The following SEMA7A variants were observed in gnomAD, a reference collection of about 807,000 sequenced individuals.
SEMA7A encodes the protein semaphorin 7A (JohnMiltonHagen blood group), also known as semaphorin-7A.
SEMA7A carries 21 observed loss-of-function variants against 67.5 expected under a neutral mutation model. The ratio of observed to expected loss-of-function variants is 0.31; its 90% confidence interval spans 0.22 to 0.45. The LOEUF (loss-of-function observed/expected upper bound fraction) is 0.45, where lower values mean the gene tolerates loss of function less well. Ranked by LOEUF, SEMA7A falls within the 20% of genes least tolerant of loss-of-function variation. SEMA7A has a pLI of 1.00. For synonymous variants in SEMA7A, 364 were observed against 368.5 expected (o/e 0.99, Z 0.14); for missense variants, 774 against 908.6 (o/e 0.85, Z 1.90).
rs1393682939 is a variant in SEMA7A, at chr15:74,423,683, G to A, written c.179-4731C>T. Among the ~76,000 whole-genome samples, 1 of 152,222 alleles carries A rather than the reference G, an allele frequency of 6.6e-6. No homozygotes were observed. The highest frequency in any genetic ancestry group is 2.4e-5 in the African/African-American group (1 of 41,448). ...CAGGTGAGGCCCTGATCTCCTAGGG[G>A]CCTTTAGTGATCAAAGCCTTAAATC... On this transcript the variant is annotated intron_variant, in intron 1 of 13. Coordinates refer to ENST00000261918, the MANE Select transcript of SEMA7A (RefSeq NM_003612.5). The surrounding 1 kb of genome is among the most constrained non-coding windows in gnomAD (Gnocchi z 4.1).
rs2061021713 is a variant in SEMA7A, at chr15:74,423,980, G to A, written c.179-5028C>T. The stretch of plus-strand genomic sequence containing the variant: ...GGGGCAGAGCCTGTGTGCTGGGGCA[G>A]GTGGTGGGGCCTCGAGACAGCACTC... On this transcript the variant is annotated intron_variant, in intron 1 of 13. Coordinates refer to ENST00000261918, the MANE Select transcript of SEMA7A (RefSeq NM_003612.5). This position sits in a 1 kb window ranked among gnomAD's most constrained non-coding sequence, Gnocchi z 4.1. 6.6e-6 allele frequency among the ~76,000 whole-genome samples: 1 copy of A among 152,184 alleles called. No homozygotes were observed. The highest frequency in any genetic ancestry group is 2.1e-4 in the South Asian group (1 of 4,828).
intron 1 of SEMA7A, among the ~76,000 whole-genome samples, chr15:74,431,376 G>A (rs1021036933): frequency 1.3e-5 from 2 of 152,218 alleles, no homozygotes; most frequent in South Asian, 2.1e-4. Context: ...CAATCTCCCT[G>A]ATCAGTGCAG....
Position 74,411,091 on chromosome 15 carries a change from C to A in SEMA7A, c.1640-106G>T. On this transcript the variant is annotated intron_variant, in intron 13 of 13. Coordinates refer to ENST00000261918, the MANE Select transcript of SEMA7A (RefSeq NM_003612.5). The surrounding 1 kb of genome is among the most constrained non-coding windows in gnomAD (Gnocchi z 4.4). ...TCCCAGGACAAGGCTTCTGAATGAA[C>A]GTGGGGAACCCAGCCCTCAGCGTCC... 3.4e-6 allele frequency: 5 copies of A among 1,490,986 alleles called. No homozygotes were observed. The highest frequency in any genetic ancestry group is 4.5e-6 in the Non-Finnish European group (5 of 1,114,760). The allele number at this position is 1,490,986 out of a possible 1,614,324, so 92.4% of individuals were successfully genotyped here.
chr15:74,421,035 A>G (rs576607196), intron 1 of SEMA7A, among the ~76,000 whole-genome samples: 2 of 152,346 alleles, frequency 1.3e-5, no homozygotes, highest in East Asian at 3.9e-4. Context: ...AGGCCAATGT[A>G]CAACTACTCA....
chr15:74,424,816 A>G (rs1333735108), intron 1 of SEMA7A, among the ~76,000 whole-genome samples: 1 of 152,226 alleles, frequency 6.6e-6, no homozygotes, highest in Non-Finnish European at 1.5e-5. Flanking sequence ...ATCATGTCCC[A>G]TCTACCTTCC....
rs2060895988 is a variant in SEMA7A at position 74,411,105 on chromosome 15, C to T, written c.1640-120G>A. The T allele has an allele frequency of 3.5e-6, 5 of 1,438,456 alleles. No individual in the cohort carries two copies. In the Admixed American group the frequency reaches 9.2e-5, roughly 26 times the overall value. 89.1% of individuals were successfully genotyped at this position (1,438,456 alleles called of 1,614,324 possible). ...TTCTGAATGAACGTGGGGAACCCAGCCCTCAGCGTCCTCCTTTTTTCTCCC... is the reference window on the plus strand; with the variant it reads ...TTCTGAATGAACGTGGGGAACCCAGTCCTCAGCGTCCTCCTTTTTTCTCCC... On this transcript the variant is annotated intron_variant, in intron 13 of 13. Transcript: ENST00000261918. This position sits in a 1 kb window ranked among gnomAD's most constrained non-coding sequence, Gnocchi z 4.4.
In SEMA7A at chr15:74,411,921, C is replaced by T. The variant is rs1412913730; in HGVS notation, c.1386G>A (p.Ala462=). The T allele has an allele frequency of 7.4e-6, 12 of 1,614,026 alleles. No homozygotes were observed. The South Asian group carries it at 8.8e-5, about 12-fold the overall frequency. ...CCAGCGACATGGTCTGGATGGCAGC[C>T]GCGCGGCGGAAGGGCTGGATCTCCA... The part of the protein sequence containing the change: ...NIMEIQPFRR[A]AAIQTMSLDA... Residue 462 remains alanine, a synonymous_variant, in exon 11 of 14, where the codon GCG becomes GCA. Transcript: ENST00000261918. The surrounding 1 kb of genome is among the most constrained non-coding windows in gnomAD (Gnocchi z 4.4).
intron 1 of SEMA7A, among the ~76,000 whole-genome samples, chr15:74,422,459 C>T (rs1013005204): frequency 6.6e-6 from 1 of 152,130 alleles, no homozygotes; most frequent in African/African-American, 2.4e-5. Context: ...ACAAGACAAC[C>T]CACCTCCCGC....
intron 1 of SEMA7A, chr15:74,427,219 C>T (rs998316525): frequency 1.0e-6 from 1 of 985,322 alleles, no homozygotes; most frequent in Admixed American, 6.1e-5. Flanking sequence ...GATGGGATTT[C>T]ATCTGGCCTA....
At chr15:74,421,665 C>A (rs2061001229) in intron 1 of SEMA7A, among the ~76,000 whole-genome samples, 1 of 152,206 alleles carries the variant, frequency 6.6e-6, no homozygotes, top group Admixed American at 6.5e-5. Context: ...CCGCCTGAGG[C>A]CCTCAAAAGG....
At chr15:74,427,327 C>T (rs2061051882) in intron 1 of SEMA7A, 9 of 985,428 alleles carry the variant, frequency 9.1e-6, no homozygotes, top group Non-Finnish European at 1.1e-5. Flanking sequence ...CTGGGGCAGG[C>T]CAAACTCCCA....
intron 1 of SEMA7A, 101 bp from the exon 2 acceptor site, chr15:74,419,053 A>C: frequency 2.9e-6 from 4 of 1,376,942 alleles, no homozygotes; most frequent in African/African-American, 1.4e-5. Context: ...CTTGGTGCTC[A>C]GGGTCCTGGC....
intron 1 of SEMA7A, chr15:74,427,426 T>C: frequency 1.0e-6 from 1 of 980,666 alleles, no homozygotes; most frequent in Non-Finnish European, 1.2e-6. Flanking sequence ...CTCGACAGGC[T>C]GGGCCAGAGC....
intron 1 of SEMA7A, among the ~76,000 whole-genome samples, chr15:74,422,864 T>C (rs11852686): frequency 0.31 from 47,741 of 152,230 alleles, 10,199 homozygotes; most frequent in Non-Finnish European, 0.49. Context: ...TGTCACCGTC[T>C]GGCCCGCTGT....
intron 7 of SEMA7A, among the ~76,000 whole-genome samples, chr15:74,416,281 C>A (rs1346231255): frequency 6.6e-6 from 1 of 152,076 alleles, no homozygotes; most frequent in Admixed American, 6.6e-5. Context: ...CTGACTCACA[C>A]ACCCACACAC....
intron 1 of SEMA7A, among the ~76,000 whole-genome samples, 188 bp from the exon 2 acceptor site, chr15:74,419,140 C>T (rs1390136467): frequency 2.0e-5 from 3 of 152,178 alleles, no homozygotes; most frequent in African/African-American, 4.8e-5. Flanking sequence ...AGAGATCCTC[C>T]GGTGGGCTCC....
chr15:74,416,486 C>T lies in SEMA7A; in HGVS notation c.801+89G>A, dbSNP rs555180497. On this transcript the variant is annotated intron_variant, in intron 7 of 13. Transcript: ENST00000261918. The stretch of plus-strand genomic sequence containing the variant: ...ACCCACTCATACATCCACACAACTT[C>T]TACATGCACACGGACACACAGAACT... 163 of 1,420,750 alleles carry T rather than the reference C, an allele frequency of 1.1e-4. No individual in the cohort carries two copies. In the African/African-American group the frequency reaches 2.1e-3, roughly 19 times the overall value. 88.0% of individuals were successfully genotyped at this position (1,420,750 alleles called of 1,614,324 possible).
chr15:74,418,901 AC>A lies in SEMA7A; in HGVS notation c.229del (p.Val77CysfsTer35). 6.2e-7 allele frequency: 1 copy of A among 1,613,826 alleles called. No individual in the cohort carries two copies. On this transcript the variant is annotated frameshift_variant, in exon 2 of 14. Coordinates refer to ENST00000261918, the MANE Select transcript of SEMA7A (RefSeq NM_003612.5). LOFTEE classifies it high-confidence loss of function. The stretch of plus-strand genomic sequence containing the variant: ...GGAGCTGCCTGGCTCGTGGAAAAGC[AC>A]CGTGTGCGGCTCAGTCTGGCCAAAG... ...VDFGQTEPHT[V>X]LFHEPGSSSV... is the part of the protein sequence containing the mutation.
chr15:74,418,935 G>A lies in SEMA7A; in HGVS notation c.196C>T (p.Arg66Trp), dbSNP rs144593673. The change falls in exon 2 of 14, where the codon CGG becomes TGG. Residue 66 changes from arginine (R) to tryptophan (W), a missense_variant. Physicochemically the swap from Arg to Trp is moderately radical, Grantham distance 101 (BLOSUM62 -3). Coordinates refer to ENST00000261918, the MANE Select transcript of SEMA7A (RefSeq NM_003612.5). ...AVWKGHVGQD[R>W]VDFGQTEPHT... ...GGCTCAGTCTGGCCAAAGTCCACCCGGTCCTGCCCTACATGGCCTGAGGAG... is the reference window on the plus strand; with the variant it reads ...GGCTCAGTCTGGCCAAAGTCCACCCAGTCCTGCCCTACATGGCCTGAGGAG... 68 of 1,613,542 alleles carry A rather than the reference G, an allele frequency of 4.2e-5. No homozygotes were observed. Among genetic ancestry groups the A allele is most frequent in the African/African-American group, 1.5e-4 (11 of 75,050 alleles).
Sources: allele counts gnomAD v4.1 joint callset (sites outside exome capture counted in the v4.1 genomes callset), GRCh38; gene constraint gnomAD v4.1.1; non-coding constraint Gnocchi (gnomAD v3.1); transcripts MANE v1.5; gene names NCBI Gene and HGNC (gene_info 2026-07-23, HGNC 2026-07-21).